ERC1: variants seen among roughly 807,000 people sequenced by gnomAD.
ERC1 encodes the protein ELKS/RAB6-interacting/CAST family member 1.
Under a neutral mutation model 132.0 loss-of-function variants are expected in ERC1, and 56 were observed. The observed-to-expected ratio is 0.42, with a 90% confidence interval of 0.34 to 0.53. ERC1 has a LOEUF of 0.53. Among genes scored for constraint, ERC1 ranks in the 20% least tolerant of loss-of-function variants. The pLI is 0.03. For synonymous variants in ERC1, 478 were observed against 476.1 expected (o/e 1.00, Z -0.05); for missense variants, 1,202 against 1,349.9 (o/e 0.89, Z 1.72).
At chr12:1,352,137 C>T (rs1441778295) in intron 15 of ERC1, among the ~76,000 whole-genome samples, 1 of 152,134 alleles carries the variant, frequency 6.6e-6, no homozygotes, top group African/African-American at 2.4e-5. Context: ...TCTTAGAGCT[C>T]ACCAGGCTCC....
At chr12:1,218,468 G>A (rs1025985170) in intron 12 of ERC1, among the ~76,000 whole-genome samples, 12 of 151,956 alleles carry the variant, frequency 7.9e-5, no homozygotes, top group African/African-American at 2.9e-4. Flanking sequence ...TCCCTTCTCA[G>A]CAAATCTTAT....
At chr12:1,413,700 AATTT>A (rs2091964356) in intron 17 of ERC1, among the ~76,000 whole-genome samples, 1 of 152,244 alleles carries the variant, frequency 6.6e-6, no homozygotes, top group Non-Finnish European at 1.5e-5. Context: ...AACTAAGTAG[AATTT>A]GAGCATGATT....
chr12:1,407,968 A>G (rs1194223184), intron 16 of ERC1, among the ~76,000 whole-genome samples, 181 bp from the exon 17 acceptor site: 4 of 152,170 alleles, frequency 2.6e-5, no homozygotes, highest in African/African-American at 4.8e-5. Context: ...GGGAGGCACA[A>G]TTCAGCCCGT....
chr12:1,405,371 A>G (rs907725233), intron 16 of ERC1, among the ~76,000 whole-genome samples: 1 of 151,904 alleles, frequency 6.6e-6, no homozygotes, highest in African/African-American at 2.4e-5. Flanking sequence ...GTGAAAATGT[A>G]AAGAACCTAA....
intron 14 of ERC1, among the ~76,000 whole-genome samples, chr12:1,276,190 C>T (rs996274600): frequency 1.6e-4 from 25 of 151,684 alleles, no homozygotes; most frequent in Admixed American, 1.1e-3. Context: ...TCTGACCTTC[C>T]AAGTCTGAGT....
At chr12:1,214,659 TATACATACACACACAC>T (rs1273300889) in intron 12 of ERC1, among the ~76,000 whole-genome samples, 7 of 94,980 alleles carry the variant, frequency 7.4e-5, no homozygotes, top group Admixed American at 4.6e-4. Context: ...TGCGTGTGTG[TATACATACACACACAC>T]ACACACACAC....
intron 5 of ERC1, among the ~76,000 whole-genome samples, chr12:1,111,544 CTATTAT>C (rs2154207402): frequency 6.6e-6 from 1 of 152,052 alleles, no homozygotes; most frequent in South Asian, 2.1e-4. Flanking sequence ...CCTCCAGACT[CTATTAT>C]TAATTATTTC....
At chr12:1,215,955 A>G (rs1958366328) in intron 12 of ERC1, among the ~76,000 whole-genome samples, 1 of 152,244 alleles carries the variant, frequency 6.6e-6, no homozygotes, top group African/African-American at 2.4e-5. Context: ...TTGTGTGCAT[A>G]TGGAATCTTT....
intron 15 of ERC1, among the ~76,000 whole-genome samples, chr12:1,334,413 G>GGT (rs2083137551): frequency 6.6e-6 from 1 of 152,120 alleles, no homozygotes; most frequent in African/African-American, 2.4e-5. Context: ...TTTTGTATAG[G>GGT]GTGTAAGGAA....
At chr12:1,306,723 G>GT (rs1050445762) in intron 15 of ERC1, among the ~76,000 whole-genome samples, 9 of 151,478 alleles carry the variant, frequency 5.9e-5, no homozygotes, top group South Asian at 2.1e-4. Context: ...AGAAAGTTGG[G>GT]TTTTTTTTGT....
intron 12 of ERC1, among the ~76,000 whole-genome samples, chr12:1,196,458 G>A (rs1014101561): frequency 1.3e-5 from 2 of 150,054 alleles, no homozygotes; most frequent in Non-Finnish European, 3.0e-5. Context: ...ATGACTTTTT[G>A]GGTTGGGGGG....
intron 17 of ERC1, among the ~76,000 whole-genome samples, chr12:1,424,848 A>C (rs199948328): frequency 3.1e-4 from 34 of 109,732 alleles, no homozygotes; most frequent in Middle Eastern, 4.9e-3. Context: ...GATAGATGAT[A>C]GATAGATAGA....
chr12:1,393,607 CGT>C (rs34533745), intron 16 of ERC1, among the ~76,000 whole-genome samples: 20,463 of 139,914 alleles, frequency 0.15, 1,916 homozygotes, highest in East Asian at 0.43. Context: ...AGAGAACACA[CGT>C]GTGTGTGTGT....
At chr12:1,144,652 A>G (rs544261488) in intron 8 of ERC1, among the ~76,000 whole-genome samples, 10 of 147,774 alleles carry the variant, frequency 6.8e-5, no homozygotes, top group East Asian at 3.9e-4. Context: ...ATATATACGT[A>G]TATATATATA....
At chr12:1,422,895 G>A (rs73597955) in intron 17 of ERC1, among the ~76,000 whole-genome samples, 4,310 of 152,160 alleles carry the variant, frequency 0.028, 201 homozygotes, top group African/African-American at 0.098. Flanking sequence ...AAATAATAGC[G>A]ATTTTGATTG....
rs1012609832 is a variant in ERC1, at chr12:1,083,374, C to T, written c.880C>T (p.Arg294Cys). The change falls in exon 3 of 19, where the codon CGT becomes TGT. Residue 294 changes from arginine to cysteine, a missense_variant. Arg to Cys is a radical substitution (Grantham distance 180). Coordinates refer to ENST00000360905, the MANE Select transcript of ERC1 (RefSeq NM_178040.4). The stretch of plus-strand genomic sequence containing the variant: ...AAAGACATTGGAGGAAATGGAGCTG[C>T]GTATTGAGACTCAAAAGCAGACCCT... ...LRKTLEEMEL[R>C]IETQKQTLNA... 5.0e-6 allele frequency: 8 copies of T among 1,614,068 alleles called. No individual in the cohort carries two copies. Among genetic ancestry groups the T allele is most frequent in the South Asian group, 1.1e-5 (1 of 91,076 alleles).
intron 13 of ERC1, among the ~76,000 whole-genome samples, chr12:1,254,719 G>A (rs1022123196): frequency 6.6e-6 from 1 of 152,040 alleles, no homozygotes; most frequent in African/African-American, 2.4e-5. Flanking sequence ...CACCATGTTG[G>A]CCAGGCTGGT....
Position 1,182,063 on chromosome 12 carries a change from G to A in ERC1, c.2014G>A (p.Glu672Lys), listed in dbSNP as rs952490346. 1 of 1,613,508 alleles carries A rather than the reference G, an allele frequency of 6.2e-7. No homozygotes were observed. The highest frequency in any genetic ancestry group is 2.2e-5 in the East Asian group (1 of 44,872). The change falls in exon 10 of 19, where the codon GAG becomes AAG. Residue 672 changes from glutamate (E) to lysine (K), a missense_variant and splice_region_variant. Transcript: ENST00000360905. ...SLLQGDLSEK[E>K]ASLLDLKEHA... is the part of the protein sequence containing the mutation. ...GTTGCAAGGCGACCTTTCAGAGAAA[G>A]AGGTTAAGCTCCCCAAAATGGAATT...
At chr12:990,167 T>C (rs940202898), upstream of ERC1, 2 of 152,122 alleles carry the variant, frequency 1.3e-5, no homozygotes, top group Non-Finnish European at 2.9e-5. Context: ...AAGTGGTTAA[T>C]TACGGTGGCG....
Sources: gnomAD v4.1 joint callset for allele counts (sites outside exome capture counted in the v4.1 genomes callset) on GRCh38, gnomAD v4.1.1 for gene constraint, MANE v1.5 for transcripts, NCBI Gene and HGNC (gene_info 2026-07-23, HGNC 2026-07-21) for gene names.